RHAG: variants seen among roughly 807,000 people sequenced by gnomAD.
RHAG encodes the protein Rh associated glycoprotein.
RHAG carries 25 observed loss-of-function variants against 42.4 expected under a neutral mutation model. That is an observed-to-expected ratio of 0.59 (90% CI 0.43 to 0.82). RHAG has a LOEUF of 0.82. Ranked by LOEUF, RHAG falls within the 40% of genes least tolerant of loss-of-function variation. The pLI, the probability that RHAG is intolerant of heterozygous loss-of-function variation, is 0.00. For missense variants in RHAG, 483 were observed against 504.6 expected (o/e 0.96, Z 0.41); for synonymous variants, 182 against 177.7 (o/e 1.02, Z -0.19).
At chr6:49,606,448 T>C (rs1222185970) in intron 9 of RHAG, among the ~76,000 whole-genome samples, 1 of 152,128 alleles carries the variant, frequency 6.6e-6, no homozygotes, top group Non-Finnish European at 1.5e-5. Context: ...CTGTCTGTCT[T>C]TCTTTCTCTT....
At chr6:49,606,672 A>T (rs747104827) in intron 9 of RHAG, 176 bp downstream of exon 9, 8 of 601,298 alleles carry the variant, frequency 1.3e-5, no homozygotes, top group Non-Finnish European at 2.1e-5. Flanking sequence ...CTGGCATCAA[A>T]CAATCCTCCA....
rs890912164 is a variant in RHAG, at chr6:49,628,541, G to A, written c.157+8115C>T. ...TGGAGTTTGTTTCTTCTGATGTTCC[G>A]ATGCGTTCGGAGTTTCTTCCTTCTG... On this transcript the variant is annotated intron_variant, in intron 1 of 9. Coordinates refer to ENST00000371175, the MANE Select transcript of RHAG (RefSeq NM_000324.3). Among the ~76,000 whole-genome samples, 12 of 152,080 alleles carry A rather than the reference G, an allele frequency of 7.9e-5. No individual in the cohort carries two copies. In the South Asian group the frequency reaches 8.3e-4, roughly 10 times the overall value.
chr6:49,620,534 T>C (rs941565823), intron 1 of RHAG, among the ~76,000 whole-genome samples: 1 of 151,280 alleles, frequency 6.6e-6, no homozygotes, highest in African/African-American at 2.5e-5. Context: ...TCTCTCTCTC[T>C]CTTTTTTTGG....
intron 6 of RHAG, among the ~76,000 whole-genome samples, chr6:49,612,049 G>A (rs1261215812): frequency 6.6e-6 from 1 of 151,804 alleles, no homozygotes; most frequent in Non-Finnish European, 1.5e-5. Flanking sequence ...ATGCTTGGCC[G>A]ACATCCTAAA....
intron 1 of RHAG, among the ~76,000 whole-genome samples, chr6:49,620,279 A>G (rs1187195411): frequency 1.3e-5 from 2 of 152,210 alleles, no homozygotes; most frequent in African/African-American, 2.4e-5. Context: ...TCACCTGTGT[A>G]GGAGGATTTG....
chr6:49,632,682 G>A lies in RHAG; in HGVS notation c.157+3974C>T, dbSNP rs377626301. Among the ~76,000 whole-genome samples the A allele has an allele frequency of 9.2e-5, 14 of 152,110 alleles. No individual in the cohort carries two copies. The South Asian group carries it at 2.9e-3, about 32-fold the overall frequency. On this transcript the variant is annotated intron_variant, in intron 1 of 9. Transcript: ENST00000371175. Reference sequence around the variant, plus strand: ...AATCAAAGTACAGGATAAACTAACGGATTTTTAATGCCACAGAGTATAAAA... The same window carrying A: ...AATCAAAGTACAGGATAAACTAACGAATTTTTAATGCCACAGAGTATAAAA...
In RHAG at chr6:49,632,528, C is replaced by T. The variant is rs186816076; in HGVS notation, c.157+4128G>A. Among the ~76,000 whole-genome samples, 270 of 152,182 alleles carry T rather than the reference C, an allele frequency of 1.8e-3. 1 individual carries two copies. Among genetic ancestry groups the T allele is most frequent in the Non-Finnish European group, 3.3e-3 (227 of 67,990 alleles). On this transcript the variant is annotated intron_variant, in intron 1 of 9. Coordinates refer to ENST00000371175, the MANE Select transcript of RHAG (RefSeq NM_000324.3). The stretch of plus-strand genomic sequence containing the variant: ...CTAGAGAGACTGTTGATGATATTAA[C>T]GAATATTCTTTTTTATGTTATATAT...
intron 3 of RHAG, among the ~76,000 whole-genome samples, chr6:49,616,775 G>T (rs1762663630): frequency 6.6e-6 from 1 of 152,168 alleles, no homozygotes; most frequent in African/African-American, 2.4e-5. Context: ...TCCACACTTG[G>T]TTGTAATGAG....
At chr6:49,615,246 A>T in intron 4 of RHAG, 1 of 277,874 alleles carries the variant, frequency 3.6e-6, no homozygotes, top group Non-Finnish European at 6.8e-6. Flanking sequence ...CACCACGCCC[A>T]GCCTGGAGGA....
intron 1 of RHAG, among the ~76,000 whole-genome samples, chr6:49,629,687 T>C (rs1015145684): frequency 2.6e-5 from 4 of 152,138 alleles, no homozygotes; most frequent in Non-Finnish European, 5.9e-5. Flanking sequence ...TCCCGAGCCC[T>C]GCCCCACGGG....
chr6:49,629,126 T>C (rs1273501751), intron 1 of RHAG, among the ~76,000 whole-genome samples: 2 of 152,114 alleles, frequency 1.3e-5, no homozygotes, highest in Admixed American at 1.3e-4. Context: ...ACAAAGGTTC[T>C]CCAAGGCCCC....
chr6:49,633,261 C>T lies in RHAG; in HGVS notation c.157+3395G>A, dbSNP rs138395068. Among the ~76,000 whole-genome samples, 651 of 152,100 alleles carry T rather than the reference C, an allele frequency of 4.3e-3. 8 individuals are homozygous for T. The highest frequency in any genetic ancestry group is 0.014 in the African/African-American group (595 of 41,510). ...TACTGTGAACTTCTTGGGGAGGAAC[C>T]GAGCCTTTTCTTTGCTTGAATCCCT... On this transcript the variant is annotated intron_variant, in intron 1 of 9. Coordinates refer to ENST00000371175, the MANE Select transcript of RHAG (RefSeq NM_000324.3).
chr6:49,607,898 G>A (rs2127349563), intron 7 of RHAG, among the ~76,000 whole-genome samples: 1 of 152,080 alleles, frequency 6.6e-6, no homozygotes, highest in Non-Finnish European at 1.5e-5. Context: ...TAAAACAATT[G>A]GAAAATAAGA....
In RHAG at chr6:49,615,617, C is replaced by T; in HGVS notation, c.640+7G>A. ...GATAAGATTCAAGCAAGTTTATCCA[C>T]ACTCACCAATCATTGCAAACAAGTC... On this transcript the variant is annotated splice_region_variant and intron_variant, in intron 4 of 9. Transcript: ENST00000371175. The T allele has an allele frequency of 6.2e-7, 1 of 1,613,986 alleles. No homozygotes were observed. Among genetic ancestry groups the T allele is most frequent in the Non-Finnish European group, 8.5e-7 (1 of 1,179,896 alleles).
Position 49,612,410 on chromosome 6 carries a change from T to C in RHAG, c.932A>G (p.Tyr311Cys). 2 of 1,614,200 alleles carry C rather than the reference T, an allele frequency of 1.2e-6. No individual in the cohort carries two copies. The highest frequency in any genetic ancestry group is 1.7e-6 in the Non-Finnish European group (2 of 1,180,026). Residue 311 changes from tyrosine (Y) to cysteine (C), a missense_variant, in exon 6 of 10, where the codon TAC becomes TGC. By Grantham distance (194) the Tyr-to-Cys change is radical (BLOSUM62 -2). Coordinates refer to ENST00000371175, the MANE Select transcript of RHAG (RefSeq NM_000324.3). ...SIAGMVSVLG[Y>C]KFLTPLFTTK... ...TGCTGTACTTACAGTCAGGAACTTG[T>C]ATCCAAGCACAGAGACCATTCCTGC... is the stretch of plus-strand genomic sequence containing the variant.
chr6:49,630,506 C>T (rs533605322), intron 1 of RHAG, among the ~76,000 whole-genome samples: 29 of 152,228 alleles, frequency 1.9e-4, no homozygotes, highest in Admixed American at 4.6e-4. Flanking sequence ...AACTTTTTGG[C>T]AATCTTTTGA....
At chr6:49,607,790 C>T (rs920988865) in intron 7 of RHAG, among the ~76,000 whole-genome samples, 3 of 152,128 alleles carry the variant, frequency 2.0e-5, no homozygotes, top group Non-Finnish European at 4.4e-5. Context: ...ATATGAATGA[C>T]AAATGACCTG....
chr6:49,636,444 T>A (rs1449633465), intron 1 of RHAG, among the ~76,000 whole-genome samples: 1 of 152,146 alleles, frequency 6.6e-6, no homozygotes, highest in African/African-American at 2.4e-5. Context: ...AGCTTCTTGT[T>A]CTGATATTTT....
At chr6:49,614,185 T>G (rs1762611800) in intron 5 of RHAG, among the ~76,000 whole-genome samples, 1 of 151,738 alleles carries the variant, frequency 6.6e-6, no homozygotes, top group African/African-American at 2.4e-5. Context: ...ACAAAAATTT[T>G]TTTTTTCTTT....
Sources: gnomAD v4.1 joint callset for allele counts (sites outside exome capture counted in the v4.1 genomes callset) on GRCh38, gnomAD v4.1.1 for gene constraint, MANE v1.5 for transcripts, NCBI Gene and HGNC (gene_info 2026-07-23, HGNC 2026-07-21) for gene names.